Variants in PLA1A observed in about 807,000 individuals in gnomAD.
PLA1A encodes phosphatidylserine-specific phospholipase A1alpha.
Under a neutral mutation model 49.4 loss-of-function variants are expected in PLA1A, and 47 were observed. The observed-to-expected ratio is 0.95, with a 90% CI of 0.75 to 1.21. The LOEUF is 1.21. Among genes scored for constraint, PLA1A ranks in the 50% most tolerant of loss-of-function variants. The pLI is 0.00. For synonymous variants in PLA1A, 224 were observed against 207.9 expected (o/e 1.08, Z -0.67); for missense variants, 561 against 563.9 (o/e 0.99, Z 0.05).
intron 4 of PLA1A, among the ~76,000 whole-genome samples, chr3:119,609,963 C>T (rs2082743702): frequency 6.6e-6 from 1 of 152,162 alleles, no homozygotes; most frequent in Non-Finnish European, 1.5e-5. Context: ...TTTTGCAACC[C>T]TTGTCCCTTG....
intron 6 of PLA1A, among the ~76,000 whole-genome samples, chr3:119,617,475 G>T (rs540372544): frequency 6.6e-6 from 1 of 151,908 alleles, no homozygotes; most frequent in African/African-American, 2.4e-5. Context: ...AGGTACGGTG[G>T]CTCACACCTG....
chr3:119,602,542 C>T (rs2082631364), intron 1 of PLA1A, among the ~76,000 whole-genome samples: 1 of 152,074 alleles, frequency 6.6e-6, no homozygotes, highest in Non-Finnish European at 1.5e-5. Flanking sequence ...TGTTCTGTTA[C>T]TCTGTCTTAT....
chr3:119,628,381 G>A (rs1364838712), intron 9 of PLA1A, among the ~76,000 whole-genome samples: 2 of 152,246 alleles, frequency 1.3e-5, no homozygotes, highest in African/African-American at 4.8e-5. Flanking sequence ...AATTAGATCT[G>A]AAGGTGAAGA....
At position 119,597,924 on chromosome 3, in the gene PLA1A, G is replaced by C. The variant is rs371927892; in HGVS notation, c.11G>C (p.Gly4Ala). 1 of 1,609,466 alleles carries C rather than the reference G, an allele frequency of 6.2e-7. No homozygotes were observed. Among genetic ancestry groups the C allele is most frequent in the Non-Finnish European group, 8.5e-7 (1 of 1,177,468 alleles). The change falls in exon 1 of 11, where the codon GGT becomes GCT. Residue 4 changes from glycine to alanine, a missense_variant. By Grantham distance (60) the Gly-to-Ala change is moderately conservative. Coordinates refer to ENST00000273371, the MANE Select transcript of PLA1A (RefSeq NM_015900.4). ...ATTTCCAGCTCAGCGATGCCCCCAG[G>C]TCCCTGGGAGAGCTGCTTCTGGGTG... is the stretch of plus-strand genomic sequence containing the variant. MPP[G>A]PWESCFWVGG...
chr3:119,604,487 A>G (rs2082660360), intron 1 of PLA1A, among the ~76,000 whole-genome samples: 1 of 152,236 alleles, frequency 6.6e-6, no homozygotes, highest in Non-Finnish European at 1.5e-5. Context: ...GGAGGCCATT[A>G]TGTTAAGTGA....
At chr3:119,622,778 TA>T (rs35239845) in intron 8 of PLA1A, among the ~76,000 whole-genome samples, 74,142 of 148,944 alleles carry the variant, frequency 0.5, 18,843 homozygotes, top group East Asian at 0.88. Flanking sequence ...TACCCCTTAG[TA>T]AAAAAAAAAA....
At position 119,606,871 on chromosome 3, in the gene PLA1A, C is replaced by G; in HGVS notation, c.171C>G (p.Val57=). Residue 57 remains valine (V), a synonymous_variant, in exon 2 of 11, where the codon GTC becomes GTG. Coordinates refer to ENST00000273371, the MANE Select transcript of PLA1A (RefSeq NM_015900.4). ...TDLKVQFLLF[V]PSNPSCGQLV... is the part of the protein sequence containing the mutation. ...TCAAAGTCCAGTTTCTCCTCTTTGTCCCTTCGAATCCTAGCTGTGGGCAGC... is the reference window on the plus strand; with the variant it reads ...TCAAAGTCCAGTTTCTCCTCTTTGTGCCTTCGAATCCTAGCTGTGGGCAGC... 6.8e-6 allele frequency: 11 copies of G among 1,614,108 alleles called. No homozygotes were observed. The highest frequency in any genetic ancestry group is 8.5e-6 in the Non-Finnish European group (10 of 1,179,952).
intron 5 of PLA1A, among the ~76,000 whole-genome samples, chr3:119,615,726 G>T (rs953170011): frequency 1.3e-5 from 2 of 152,040 alleles, no homozygotes; most frequent in African/African-American, 4.8e-5. Flanking sequence ...CAGGAGAATC[G>T]CTTGAATCCG....
intron 5 of PLA1A, among the ~76,000 whole-genome samples, chr3:119,613,698 C>A (rs1482215402): frequency 1.3e-5 from 2 of 152,182 alleles, no homozygotes; most frequent in Non-Finnish European, 2.9e-5. Flanking sequence ...TCGAGACCAT[C>A]CTGGCTAACA....
chr3:119,611,107 G>A (rs1052361644), intron 4 of PLA1A, among the ~76,000 whole-genome samples: 1 of 152,146 alleles, frequency 6.6e-6, no homozygotes, highest in Non-Finnish European at 1.5e-5. Context: ...TGTCAACTTT[G>A]TCAAAGGTCT....
chr3:119,628,014 G>T (rs1474057731), intron 9 of PLA1A, among the ~76,000 whole-genome samples: 2 of 152,078 alleles, frequency 1.3e-5, no homozygotes, highest in Non-Finnish European at 1.5e-5. Flanking sequence ...ATCTGGGGGG[G>T]CAAAGCCAAG....
intron 9 of PLA1A, among the ~76,000 whole-genome samples, chr3:119,628,248 G>A (rs567963697): frequency 2.0e-5 from 3 of 152,318 alleles, no homozygotes; most frequent in South Asian, 4.1e-4. Context: ...CTCTGTCTGC[G>A]CTTCATGATG....
chr3:119,622,233 T>C (rs983985154), intron 8 of PLA1A, among the ~76,000 whole-genome samples: 15 of 151,484 alleles, frequency 9.9e-5, no homozygotes, highest in African/African-American at 3.6e-4. Context: ...TAGAAAACTT[T>C]CTTAATCAAT....
chr3:119,625,320 C>A, intron 9 of PLA1A, 88 bp downstream of exon 9: 1 of 842,554 alleles, frequency 1.2e-6, no homozygotes, highest in Non-Finnish European at 2.0e-6. Context: ...AGGTCAGGGA[C>A]TGTGTGATTG....
At chr3:119,618,213 T>C (rs1326949271) in intron 7 of PLA1A, 27 bp downstream of exon 7, 1 of 1,581,592 alleles carries the variant, frequency 6.3e-7, no homozygotes. Flanking sequence ...TTGACTTCCT[T>C]TGACAATGTG....
intron 6 of PLA1A, among the ~76,000 whole-genome samples, chr3:119,617,773 A>G (rs1006131716): frequency 1.3e-5 from 2 of 152,072 alleles, no homozygotes; most frequent in African/African-American, 4.8e-5. Flanking sequence ...GAAAAGAAAA[A>G]AAAGAATGCA....
intron 9 of PLA1A, 66 bp downstream of exon 9, chr3:119,625,298 C>A: frequency 9.9e-7 from 1 of 1,010,276 alleles, no homozygotes; most frequent in Non-Finnish European, 1.6e-6. Context: ...ATTTTACACA[C>A]ATGGACATCC....
At chr3:119,617,946 TAG>T in intron 6 of PLA1A, 71 bp from the exon 7 acceptor site, 2 of 1,200,014 alleles carry the variant, frequency 1.7e-6, no homozygotes, top group African/African-American at 1.5e-5. Context: ...TAAAATTCAA[TAG>T]AGTTTCACTA....
Position 119,618,146 on chromosome 3 carries a change from G to C in PLA1A, c.882G>C (p.Leu294=), listed in dbSNP as rs762323519. ...AGGCCTTCCTTGCTGGACGCTGTCT[G>C]GATTGCTTTAACCCTTTTCTGCTTT... ...SYKAFLAGRC[L]DCFNPFLLSC... is the part of the protein sequence containing the mutation. The change falls in exon 7 of 11, where the codon CTG becomes CTC. Residue 294 remains leucine (L), a synonymous_variant. Coordinates refer to ENST00000273371, the MANE Select transcript of PLA1A (RefSeq NM_015900.4). 6.2e-7 allele frequency: 1 copy of C among 1,613,960 alleles called. No homozygotes were observed. Among genetic ancestry groups the C allele is most frequent in the Non-Finnish European group, 8.5e-7 (1 of 1,179,970 alleles).
Sources: gnomAD v4.1 joint callset for allele counts (sites outside exome capture counted in the v4.1 genomes callset) on GRCh38, gnomAD v4.1.1 for gene constraint, MANE v1.5 for transcripts, NCBI Gene and HGNC (gene_info 2026-07-23, HGNC 2026-07-21) for gene names.